The following PIK3CB variants were observed in gnomAD, a reference collection of about 807,000 sequenced individuals.
PIK3CB encodes the protein phosphatidylinositol-4,5-bisphosphate 3-kinase catalytic subunit beta, also known as phosphatidylinositol 4,5-bisphosphate 3-kinase catalytic subunit beta isoform.
A neutral mutation model predicts 136.8 loss-of-function variants in PIK3CB; 39 were observed. The ratio of observed to expected loss-of-function variants is 0.29; its 90% CI spans 0.22 to 0.37. The LOEUF is 0.37. Among genes scored for constraint, PIK3CB ranks in the 10% least tolerant of loss-of-function variants. The probability of loss-of-function intolerance (pLI) is 1.00; values close to 1 mark genes in which losing one functional copy is unlikely to be tolerated. For synonymous variants in PIK3CB, 428 were observed against 436.6 expected (o/e 0.98, Z 0.25); for missense variants, 868 against 1,275.4 (o/e 0.68, Z 4.87).
intron 4 of PIK3CB, among the ~76,000 whole-genome samples, chr3:138,749,392 C>A (rs1487206574): frequency 6.6e-6 from 1 of 152,146 alleles, no homozygotes; most frequent in Non-Finnish European, 1.5e-5. Context: ...TCACTAATTT[C>A]TCTATTCAAA....
intron 8 of PIK3CB, among the ~76,000 whole-genome samples, chr3:138,718,633 G>A (rs754228583): frequency 4.6e-5 from 7 of 152,140 alleles, no homozygotes; most frequent in Non-Finnish European, 8.8e-5. Flanking sequence ...GTCTTCCAGG[G>A]TTTTTATAGT....
chr3:138,694,658 G>A (rs923032382), intron 14 of PIK3CB, 128 bp downstream of exon 14: 2 of 965,406 alleles, frequency 2.1e-6, no homozygotes, highest in African/African-American at 1.7e-5. Context: ...AGGAGTACAT[G>A]AGCAAATGCT....
chr3:138,767,265 T>C (rs965563524), intron 2 of PIK3CB, among the ~76,000 whole-genome samples: 2 of 152,214 alleles, frequency 1.3e-5, no homozygotes, highest in African/African-American at 4.8e-5. Context: ...ATATAAGACT[T>C]TTTTTGTTAT....
At chr3:138,767,921 G>A (rs776582378) in intron 2 of PIK3CB, among the ~76,000 whole-genome samples, 14 of 152,152 alleles carry the variant, frequency 9.2e-5, no homozygotes, top group African/African-American at 1.4e-4. Context: ...TCTCCTCTTC[G>A]CCTGCAATGC....
chr3:138,680,469 A>C (rs994150343), intron 19 of PIK3CB, among the ~76,000 whole-genome samples: 5 of 152,178 alleles, frequency 3.3e-5, no homozygotes, highest in Admixed American at 6.5e-5. Flanking sequence ...ACACTGATGA[A>C]CTGGACTATA....
intron 4 of PIK3CB, among the ~76,000 whole-genome samples, chr3:138,748,854 T>A (rs1559860000): frequency 6.6e-6 from 1 of 152,188 alleles, no homozygotes; most frequent in African/African-American, 2.4e-5. Context: ...GAAAGTTACT[T>A]TTTATTCCAT....
chr3:138,688,818 G>T, intron 16 of PIK3CB, 57 bp downstream of exon 16: 1 of 1,021,010 alleles, frequency 9.8e-7, no homozygotes, highest in African/African-American at 1.6e-5. Flanking sequence ...TGATATTCAT[G>T]CTTTAAACGT....
intron 19 of PIK3CB, among the ~76,000 whole-genome samples, chr3:138,667,045 C>A (rs1577048386): frequency 6.6e-6 from 1 of 151,868 alleles, no homozygotes; most frequent in Admixed American, 6.6e-5. Context: ...CCTGTCTCTA[C>A]TAAAAATACA....
At chr3:138,830,475 C>G (rs1374837066) in intron 1 of PIK3CB, among the ~76,000 whole-genome samples, 1 of 152,100 alleles carries the variant, frequency 6.6e-6, no homozygotes, top group African/African-American at 2.4e-5. Flanking sequence ...ATTCCTTGAA[C>G]CCGGGAGGCG....
intron 2 of PIK3CB, among the ~76,000 whole-genome samples, chr3:138,785,354 C>A (rs972966395): frequency 6.6e-6 from 1 of 152,074 alleles, no homozygotes; most frequent in Admixed American, 6.5e-5. Flanking sequence ...GCCATGATGA[C>A]GATGGCAGTT....
intron 1 of PIK3CB, among the ~76,000 whole-genome samples, chr3:138,824,840 G>C (rs941946719): frequency 4.0e-5 from 6 of 149,420 alleles, no homozygotes; most frequent in Admixed American, 3.4e-4. Context: ...CTGAGCTCAG[G>C]AGTTTGAGAC....
intron 18 of PIK3CB, 128 bp downstream of exon 18, chr3:138,683,550 C>T: frequency 3.2e-6 from 2 of 622,018 alleles, no homozygotes. Context: ...GACTTTAGGA[C>T]CATTAATAGC....
Position 138,714,633 on chromosome 3 carries a change from A to G in PIK3CB, c.1137T>C (p.His379=). 1 of 1,613,140 alleles carries G rather than the reference A, an allele frequency of 6.2e-7. No homozygotes were observed. Among genetic ancestry groups the G allele is most frequent in the South Asian group, 1.1e-5 (1 of 91,060 alleles). ...CAAATTCCAGTGGTTCATTCCAAAT[A>G]TGATCATTTTTCCCTGATACCTCTG... ...VSSEVSGKND[H]IWNEPLEFDI... The change falls in exon 9 of 24, where the codon CAT becomes CAC. Residue 379 remains histidine, a synonymous_variant. Coordinates refer to ENST00000674063, the MANE Select transcript of PIK3CB (RefSeq NM_006219.3).
intron 12 of PIK3CB, among the ~76,000 whole-genome samples, 182 bp from the exon 13 acceptor site, chr3:138,699,277 A>G (rs2044200238): frequency 6.6e-6 from 1 of 151,522 alleles, no homozygotes; most frequent in Admixed American, 6.6e-5. Context: ...GGATGAAGAG[A>G]TTCTTAAAAC....
chr3:138,662,205 T>C lies in PIK3CB; in HGVS notation c.2796+1701A>G, dbSNP rs140540516. The stretch of plus-strand genomic sequence containing the variant: ...ATACATGTGCCATGCTGGTGTGCTG[T>C]ACCCATTAACTCGTCCTTTAGCATT... On this transcript the variant is annotated intron_variant, in intron 21 of 23. Coordinates refer to ENST00000674063, the MANE Select transcript of PIK3CB (RefSeq NM_006219.3). 2.3e-3 allele frequency among the ~76,000 whole-genome samples: 351 copies of C among 150,598 alleles called. 1 individual carries two copies. Among genetic ancestry groups the C allele is most frequent in the African/African-American group, 8.2e-3 (336 of 40,850 alleles).
chr3:138,721,634 C>A (rs1369862680), intron 8 of PIK3CB, among the ~76,000 whole-genome samples: 2 of 152,188 alleles, frequency 1.3e-5, no homozygotes, highest in African/African-American at 4.8e-5. Context: ...TCCTGAAAAA[C>A]ACACAACATT....
intron 6 of PIK3CB, among the ~76,000 whole-genome samples, chr3:138,736,658 C>T (rs1317874022): frequency 6.6e-6 from 1 of 152,156 alleles, no homozygotes; most frequent in Admixed American, 6.5e-5. Context: ...CTGCACATAG[C>T]ATATTTAAAC....
chr3:138,772,355 C>G (rs1222694481), intron 2 of PIK3CB, among the ~76,000 whole-genome samples: 1 of 152,138 alleles, frequency 6.6e-6, no homozygotes, highest in African/African-American at 2.4e-5. Flanking sequence ...AGTTTATACA[C>G]TCTTTTAAAG....
At chr3:138,820,079 C>A (rs555435611) in intron 1 of PIK3CB, among the ~76,000 whole-genome samples, 1 of 152,318 alleles carries the variant, frequency 6.6e-6, no homozygotes, top group East Asian at 1.9e-4. Context: ...CCTATGTGAA[C>A]TGAAAATTGA....
Sources: allele counts gnomAD v4.1 joint callset (sites outside exome capture counted in the v4.1 genomes callset), GRCh38; gene constraint gnomAD v4.1.1; transcripts MANE v1.5; gene names NCBI Gene and HGNC (gene_info 2026-07-23, HGNC 2026-07-21).